The following PEBP4 variants were observed in gnomAD, a reference collection of about 807,000 sequenced individuals.
PEBP4 encodes the protein phosphatidylethanolamine binding protein 4, also known as phosphatidylethanolamine-binding protein 4.
Under a neutral mutation model 23.9 loss-of-function variants are expected in PEBP4, and 22 were observed. That is an observed-to-expected ratio of 0.92 (90% CI 0.66 to 1.31). The LOEUF (loss-of-function observed/expected upper bound fraction) is 1.31, where lower values mean the gene tolerates loss of function less well. Among genes scored for constraint, PEBP4 ranks in the 40% most tolerant of loss-of-function variants. PEBP4 has a pLI of 0.00. For synonymous variants in PEBP4, 112 were observed against 99.3 expected (o/e 1.13, Z -0.76); for missense variants, 324 against 281.7 (o/e 1.15, Z -1.07).
intron 4 of PEBP4, among the ~76,000 whole-genome samples, chr8:22,804,816 T>C (rs1229847004): frequency 6.6e-6 from 1 of 152,142 alleles, no homozygotes; most frequent in Non-Finnish European, 1.5e-5. Flanking sequence ...CCTTGCTGCC[T>C]CATGACCTCA....
At chr8:22,822,584 T>G (rs1806882811) in intron 3 of PEBP4, among the ~76,000 whole-genome samples, 2 of 152,006 alleles carry the variant, frequency 1.3e-5, no homozygotes, top group African/African-American at 4.8e-5. Context: ...CATGAGAAAT[T>G]TTAAAAAATC....
At chr8:22,827,735 C>G (rs899437593) in intron 3 of PEBP4, among the ~76,000 whole-genome samples, 3 of 152,228 alleles carry the variant, frequency 2.0e-5, no homozygotes, top group African/African-American at 7.2e-5. Context: ...TTTCAATTCT[C>G]TTGCTTAGAC....
At position 22,817,710 on chromosome 8, in the gene PEBP4, A is replaced by T. The variant is rs1303426773; in HGVS notation, c.284T>A (p.Val95Glu). ...VDGATYILVM[V>E]DPDAPSRAEP... ...TGCTCTGCTAGGGGCATCTGGATCC[A>T]CCATCACCAGGATATAGGTTGCGCC... Residue 95 changes from valine (V) to glutamate (E), a missense_variant, in exon 4 of 7, where the codon GTG (valine) becomes GAG (glutamate). Transcript: ENST00000256404. The T allele has an allele frequency of 6.2e-7, 1 of 1,614,196 alleles. No individual in the cohort carries two copies. The highest frequency in any genetic ancestry group is 1.7e-5 in the Admixed American group (1 of 60,026).
chr8:22,759,996 A>C (rs1364402786), intron 4 of PEBP4, among the ~76,000 whole-genome samples: 1 of 151,914 alleles, frequency 6.6e-6, no homozygotes, highest in Non-Finnish European at 1.5e-5. Flanking sequence ...CTCAGATGTC[A>C]CCTCCTCTGG....
rs771979147 is a variant in PEBP4 at position 22,838,282 on chromosome 8, G to A, written c.259-20547C>T. Among the ~76,000 whole-genome samples the A allele has an allele frequency of 5.3e-5, 8 of 152,096 alleles. No homozygotes were observed. In the South Asian group the frequency reaches 6.2e-4, roughly 12 times the overall value. On this transcript the variant is annotated intron_variant, in intron 3 of 6. Transcript: ENST00000256404. ...CTAGCATACTTTCTTGCACACAGTA[G>A]GTGCTTAAGACATATTTGTTGAAAT...
chr8:22,796,279 T>A (rs1048124249), intron 4 of PEBP4, among the ~76,000 whole-genome samples: 5 of 152,102 alleles, frequency 3.3e-5, no homozygotes, highest in African/African-American at 1.2e-4. Flanking sequence ...TGTGTGTGTG[T>A]GTGTGTGTGT....
At chr8:22,819,151 A>G (rs1267409928) in intron 3 of PEBP4, among the ~76,000 whole-genome samples, 1 of 151,640 alleles carries the variant, frequency 6.6e-6, no homozygotes, top group African/African-American at 2.4e-5. Context: ...CACAGAGAAG[A>G]AAAGAGGTCT....
intron 3 of PEBP4, among the ~76,000 whole-genome samples, chr8:22,915,029 T>C (rs1809043258): frequency 6.6e-6 from 1 of 152,092 alleles, no homozygotes; most frequent in East Asian, 1.9e-4. Context: ...CCCACTCGCC[T>C]GCTCATCACA....
rs1258609276 is a variant in PEBP4, at chr8:22,724,495, A to C, written c.517+348T>G. Reference sequence around the variant, plus strand: ...TCAGACTCAATTACAGAGCACAATGACTTGCCAAAGTTCAGGGGCAGCTGC... The same window carrying C: ...TCAGACTCAATTACAGAGCACAATGCCTTGCCAAAGTTCAGGGGCAGCTGC... On this transcript the variant is annotated intron_variant, in intron 6 of 6. Coordinates refer to ENST00000256404, the MANE Select transcript of PEBP4 (RefSeq NM_144962.3). 5.3e-5 allele frequency among the ~76,000 whole-genome samples: 8 copies of C among 152,306 alleles called. No homozygotes were observed. In the East Asian group the frequency reaches 1.4e-3, roughly 26 times the overall value.
intron 4 of PEBP4, among the ~76,000 whole-genome samples, chr8:22,728,849 C>T (rs1804677864): frequency 1.3e-5 from 2 of 152,186 alleles, no homozygotes; most frequent in South Asian, 4.1e-4. Context: ...CCACCCGCCT[C>T]AGGCTCCCAA....
chr8:22,838,038 A>G (rs1807243453), intron 3 of PEBP4, among the ~76,000 whole-genome samples: 1 of 151,520 alleles, frequency 6.6e-6, no homozygotes, highest in Non-Finnish European at 1.5e-5. Context: ...AGCTGGGGCT[A>G]CAGGCACACG....
intron 4 of PEBP4, among the ~76,000 whole-genome samples, chr8:22,791,929 T>A (rs1032873331): frequency 6.6e-6 from 1 of 151,886 alleles, no homozygotes; most frequent in South Asian, 2.1e-4. Context: ...TGATCATGGC[T>A]CACTGCAGCC....
intron 3 of PEBP4, among the ~76,000 whole-genome samples, chr8:22,890,953 C>A (rs530583894): frequency 1.3e-5 from 2 of 152,262 alleles, no homozygotes; most frequent in African/African-American, 4.8e-5. Context: ...CTCAGCCTTG[C>A]GAGTAGCTGA....
chr8:22,837,997 C>T (rs1807242775), intron 3 of PEBP4, among the ~76,000 whole-genome samples: 1 of 143,060 alleles, frequency 7.0e-6, no homozygotes, highest in Non-Finnish European at 1.5e-5. Context: ...CTCCTGGGCT[C>T]AAGCAATCTT....
At chr8:22,924,760 A>G (rs969537922) in intron 2 of PEBP4, 2 of 985,306 alleles carry the variant, frequency 2.0e-6, no homozygotes, top group African/African-American at 3.5e-5. Context: ...GGTTTGGAGA[A>G]TCATGGTTCT....
rs553618382 is a variant in PEBP4, at chr8:22,833,843, G to A, written c.259-16108C>T. Among the ~76,000 whole-genome samples the A allele has an allele frequency of 3.3e-5, 5 of 152,306 alleles. No homozygotes were observed. The South Asian group carries it at 6.2e-4, about 19-fold the overall frequency. On this transcript the variant is annotated intron_variant, in intron 3 of 6. Coordinates refer to ENST00000256404, the MANE Select transcript of PEBP4 (RefSeq NM_144962.3). ...GTTTTGATTGAAGGAGTCTGGAGTG[G>A]GGCCCAGGTGTTGCTGTTGGTTTAT...
At position 22,784,656 on chromosome 8, in the gene PEBP4, C is replaced by T. The variant is rs1415371828; in HGVS notation, c.357+32981G>A. On this transcript the variant is annotated intron_variant, in intron 4 of 6. Coordinates refer to ENST00000256404, the MANE Select transcript of PEBP4 (RefSeq NM_144962.3). ...ACCTGCATTTAAATAAGCAGCCGCC[C>T]GGGTGTTTGTAACCACCGCCTTATT... is the stretch of plus-strand genomic sequence containing the variant. Among the ~76,000 whole-genome samples the T allele has an allele frequency of 5.3e-5, 8 of 152,158 alleles. 1 individual carries two copies. The highest frequency in any genetic ancestry group is 7.4e-5 in the Non-Finnish European group (5 of 68,022).
intron 1 of PEBP4, among the ~76,000 whole-genome samples, chr8:22,933,146 T>A (rs762177113): frequency 3.3e-5 from 5 of 152,182 alleles, no homozygotes; most frequent in African/African-American, 1.2e-4. Flanking sequence ...AGACCCATCA[T>A]GTGCAATGCT....
chr8:22,758,186 G>C (rs544103018), intron 4 of PEBP4: 2 of 152,320 alleles, frequency 1.3e-5, no homozygotes, highest in South Asian at 4.1e-4. Context: ...ACGCTATTTT[G>C]AAAATGATTT....
Sources: allele counts gnomAD v4.1 joint callset (sites outside exome capture counted in the v4.1 genomes callset), GRCh38; gene constraint gnomAD v4.1.1; transcripts MANE v1.5; gene names NCBI Gene and HGNC (gene_info 2026-07-23, HGNC 2026-07-21).